GP2: variants seen among roughly 807,000 people sequenced by gnomAD.
GP2 encodes glycoprotein 2.
A neutral mutation model predicts 60.8 loss-of-function variants in GP2; 58 were observed. The observed-to-expected ratio is 0.95, with a 90% CI of 0.77 to 1.19. The LOEUF (loss-of-function observed/expected upper bound fraction) is 1.19. GP2 is among the 50% of genes most tolerant of loss of function. The pLI, the probability that GP2 is intolerant of heterozygous loss-of-function variation, is 0.00. For synonymous variants in GP2, 280 were observed against 253.4 expected, an observed-to-expected ratio of 1.10 and a Z score of -1.00; for missense variants, 647 against 667.4, an observed-to-expected ratio of 0.97 and a Z score of 0.34.
rs1963980917 is a variant in GP2, at chr16:20,311,092, C to A, written c.*131G>T. On this transcript the variant is annotated 3_prime_UTR_variant, in exon 11 of 11. Coordinates refer to ENST00000302555, the MANE Select transcript of GP2 (RefSeq NM_001502.4). ...AAGAAGGTGAAAGCTCTTCCCTTTT[C>A]CTAACCTAGCTTGGCCTTGATTCTA... is the stretch of plus-strand genomic sequence containing the variant. The A allele has an allele frequency of 3.2e-6, 2 of 631,628 alleles. No individual in the cohort carries two copies. The highest frequency in any genetic ancestry group is 2.9e-6 in the Non-Finnish European group (1 of 346,234). 39.1% of individuals were successfully genotyped at this position (631,628 alleles called of 1,614,324 possible). A position where few individuals can be genotyped will look rare whatever the true frequency, so the allele number is the denominator to read the frequency against.
chr16:20,326,869 T>C (rs1227268489), intron 1 of GP2: 2 of 174,122 alleles, frequency 1.1e-5, no homozygotes, highest in Non-Finnish European at 1.2e-5. Flanking sequence ...TGTGGAACCA[T>C]GCCAAACCGA....
chr16:20,319,617 T>C lies in GP2; in HGVS notation c.1007+3A>G, dbSNP rs1387434935. On this transcript the variant is annotated splice_donor_region_variant and intron_variant, in intron 6 of 10. Coordinates refer to ENST00000302555, the MANE Select transcript of GP2 (RefSeq NM_001502.4). ...GGTCAAAGGGCAAGGGTCAATGCCA[T>C]ACCTTACAATGGGCTGCAAGGCAGC... 5.6e-6 allele frequency: 9 copies of C among 1,609,006 alleles called. No individual in the cohort carries two copies. The highest frequency in any genetic ancestry group is 6.8e-6 in the Non-Finnish European group (8 of 1,175,320).
chr16:20,312,869 C>T (rs188127881), intron 10 of GP2, among the ~76,000 whole-genome samples: 1 of 152,188 alleles, frequency 6.6e-6, no homozygotes, highest in Admixed American at 6.5e-5. Context: ...AGGCTGGTCT[C>T]GAACTCCTGA....
intron 5 of GP2, 115 bp downstream of exon 5, chr16:20,320,147 C>G: frequency 1.3e-6 from 1 of 754,298 alleles, no homozygotes; most frequent in South Asian, 1.6e-5. Context: ...CACTCTCACA[C>G]AACCCTGGGG....
intron 9 of GP2, among the ~76,000 whole-genome samples, chr16:20,315,178 A>G (rs1964123029): frequency 6.6e-6 from 1 of 152,182 alleles, no homozygotes; most frequent in Admixed American, 6.5e-5. Flanking sequence ...TGGAGAATGG[A>G]AATGGTGATA....
intron 4 of GP2, among the ~76,000 whole-genome samples, chr16:20,321,018 T>C (rs1964340473): frequency 6.6e-6 from 1 of 152,048 alleles, no homozygotes; most frequent in African/African-American, 2.4e-5. Context: ...TCAATATATA[T>C]TTACCAACCA....
At position 20,316,811 on chromosome 16, in the gene GP2, C is replaced by T. The variant is rs531020745; in HGVS notation, c.1416+402G>A. On this transcript the variant is annotated intron_variant, in intron 8 of 10. Transcript: ENST00000302555. ...CATACACCTACCTATCTCGTTCCGT[C>T]TCTTCATCCTGCTTCCTTCCTTCTC... is the stretch of plus-strand genomic sequence containing the variant. Among the ~76,000 whole-genome samples the T allele has an allele frequency of 2.7e-5, 4 of 150,688 alleles. No individual in the cohort carries two copies. In the South Asian group the frequency reaches 8.5e-4, roughly 32 times the overall value.
chr16:20,326,029 A>G (rs1189878280), intron 2 of GP2, among the ~76,000 whole-genome samples: 1 of 152,228 alleles, frequency 6.6e-6, no homozygotes, highest in East Asian at 1.9e-4. Context: ...TGCCAGCACA[A>G]GGTGACTGAG....
At chr16:20,326,306 C>T in intron 2 of GP2, 32 bp downstream of exon 2, 1 of 1,606,976 alleles carries the variant, frequency 6.2e-7, no homozygotes. Flanking sequence ...TCTTCCTTGA[C>T]ATCTGAGATG....
rs753852274 is a variant in GP2, at chr16:20,318,234, G to A, written c.1204C>T (p.Pro402Ser). Residue 402 changes from proline to serine, a missense_variant, in exon 7 of 11, where the codon CCC becomes TCC. Physicochemically the swap from Pro to Ser is moderately conservative, Grantham distance 74 (BLOSUM62 -1). Coordinates refer to ENST00000302555, the MANE Select transcript of GP2 (RefSeq NM_001502.4). ...ACAAGGTCAGCCTTGTCTTCAGTGG[G>A]GGTGGCATAGCAGTTCCTCAACACC... ...NLVLRNCYAT[P>S]TEDKADLVKY... 15 of 1,611,908 alleles carry A rather than the reference G, an allele frequency of 9.3e-6. No homozygotes were observed. The highest frequency in any genetic ancestry group is 8.5e-6 in the Non-Finnish European group (10 of 1,177,964).
chr16:20,327,288 G>A (rs4383154), intron 1 of GP2, 179 bp downstream of exon 1: 21,267 of 357,584 alleles, frequency 0.059, 1,857 homozygotes, highest in African/African-American at 0.26. Flanking sequence ...CATCGCAGAT[G>A]ACTGGAAGCA....
chr16:20,319,101 C>T (rs886578187), intron 6 of GP2, among the ~76,000 whole-genome samples: 3 of 151,974 alleles, frequency 2.0e-5, no homozygotes, highest in Non-Finnish European at 2.9e-5. Flanking sequence ...CTGCTGGGGA[C>T]GGGGGTGCCT....
intron 2 of GP2, 99 bp downstream of exon 2, chr16:20,326,239 C>G: frequency 9.6e-7 from 1 of 1,041,408 alleles, no homozygotes; most frequent in African/African-American, 1.6e-5. Flanking sequence ...TTAGAACTGC[C>G]AATTCCTCTT....
At chr16:20,322,807 A>AGCTC in intron 4 of GP2, 62 bp downstream of exon 4, 1 of 898,588 alleles carries the variant, frequency 1.1e-6, no homozygotes, top group Non-Finnish European at 1.9e-6. Flanking sequence ...GACCCTCTAA[A>AGCTC]GCTCCCTCCC....
At chr16:20,324,766 C>CT (rs1207210962) in intron 2 of GP2, among the ~76,000 whole-genome samples, 74 of 152,176 alleles carry the variant, frequency 4.9e-4, no homozygotes, top group Admixed American at 4.8e-3. Context: ...TGTGCAACAT[C>CT]TTTTTTTCCA....
At position 20,322,868 on chromosome 16, in the gene GP2, C is replaced by G. The variant is rs867018282; in HGVS notation, c.646+1G>C. 11 of 1,540,560 alleles carry G rather than the reference C, an allele frequency of 7.1e-6. No homozygotes were observed. Among genetic ancestry groups the G allele is most frequent in the Admixed American group, 6.7e-5 (4 of 59,880 alleles). On this transcript the variant is annotated splice_donor_variant, in intron 4 of 10. Transcript: ENST00000302555. LOFTEE classifies it high-confidence loss of function. ...AGTTACTTGCCCAGTGAGCAGCTCA[C>G]CAGAACTATTGAGGTCCTGTCTGCA...
At chr16:20,311,371 G>T (rs1963991671) in intron 10 of GP2, 90 bp from the exon 11 acceptor site, 1 of 790,924 alleles carries the variant, frequency 1.3e-6, no homozygotes. Context: ...ACAACACAAG[G>T]ATGAGAAAGG....
intron 7 of GP2, among the ~76,000 whole-genome samples, chr16:20,317,829 C>T (rs754619962): frequency 7.9e-5 from 12 of 152,034 alleles, no homozygotes; most frequent in African/African-American, 2.9e-4. Context: ...TTTTTGTCAG[C>T]CGGGCATGTT....
intron 9 of GP2, among the ~76,000 whole-genome samples, chr16:20,315,679 C>CT (rs1964142036): frequency 6.6e-6 from 1 of 152,188 alleles, no homozygotes; most frequent in Admixed American, 6.5e-5. Context: ...CTTAATCTCT[C>CT]TGAGTCTTAG....
Sources: gnomAD v4.1 joint callset for allele counts (sites outside exome capture counted in the v4.1 genomes callset) on GRCh38, gnomAD v4.1.1 for gene constraint, MANE v1.5 for transcripts, NCBI Gene and HGNC (gene_info 2026-07-23, HGNC 2026-07-21) for gene names.